ZFPM2: variants seen among roughly 807,000 people sequenced by gnomAD.
ZFPM2 encodes zinc finger protein ZFPM2.
Under a neutral mutation model 98.6 loss-of-function variants are expected in ZFPM2, and 20 were observed. The observed-to-expected ratio is 0.20, with a 90% CI of 0.14 to 0.29. The LOEUF is 0.29. Among genes scored for constraint, ZFPM2 ranks in the 10% least tolerant of loss-of-function variants. The pLI is 1.00. For missense variants in ZFPM2, 1,310 were observed against 1,388.6 expected, an observed-to-expected ratio of 0.94 and a Z score of 0.90; for synonymous variants, 518 against 502.7, an observed-to-expected ratio of 1.03 and a Z score of -0.41.
At chr8:105,575,677 A>AG (rs1345259256) in intron 4 of ZFPM2, among the ~76,000 whole-genome samples, 1 of 152,202 alleles carries the variant, frequency 6.6e-6, no homozygotes, top group Non-Finnish European at 1.5e-5. Context: ...AGACAGAAAA[A>AG]GAAAAAAAAT....
chr8:105,607,757 C>T (rs1303693777), intron 4 of ZFPM2, among the ~76,000 whole-genome samples: 7 of 152,134 alleles, frequency 4.6e-5, no homozygotes, highest in South Asian at 4.2e-4. Context: ...TAACCAGTTC[C>T]GCTACTTTAG....
At chr8:105,399,139 A>C (rs1464723906) in intron 1 of ZFPM2, among the ~76,000 whole-genome samples, 14 of 152,242 alleles carry the variant, frequency 9.2e-5, no homozygotes, top group Admixed American at 9.2e-4. Flanking sequence ...CCAACGGCCA[A>C]CTGGTTCTTT....
chr8:105,505,637 G>T (rs1868649), intron 3 of ZFPM2, among the ~76,000 whole-genome samples: 6 of 151,650 alleles, frequency 4.0e-5, no homozygotes, highest in South Asian at 2.1e-4. Flanking sequence ...ATATTACCTC[G>T]CTAAAAACCA....
chr8:105,611,343 A>G (rs967459009), intron 4 of ZFPM2, among the ~76,000 whole-genome samples: 1 of 152,230 alleles, frequency 6.6e-6, no homozygotes, highest in Non-Finnish European at 1.5e-5. Flanking sequence ...AATCAGTGGC[A>G]TAGCAATCAT....
rs143194616 is a variant in ZFPM2 at position 105,776,653 on chromosome 8, A to C, written c.533-12065A>C. Among the ~76,000 whole-genome samples the C allele has an allele frequency of 4.1e-4, 63 of 152,304 alleles. No homozygotes were observed. In the East Asian group the frequency reaches 0.012, roughly 28 times the overall value. On this transcript the variant is annotated intron_variant, in intron 5 of 7. Coordinates refer to ENST00000407775, the MANE Select transcript of ZFPM2 (RefSeq NM_012082.4). ...CTAACCAAGTAACTTTTGTGAGCCTAGTCAAGACAAAAATAGTCACATAAG... is the reference window on the plus strand; with the variant it reads ...CTAACCAAGTAACTTTTGTGAGCCTCGTCAAGACAAAAATAGTCACATAAG...
intron 1 of ZFPM2, among the ~76,000 whole-genome samples, chr8:105,401,370 T>C (rs1203110392): frequency 1.3e-5 from 2 of 152,138 alleles, no homozygotes; most frequent in Non-Finnish European, 2.9e-5. Context: ...AACATTCTGC[T>C]TGATGTTTAA....
intron 6 of ZFPM2, among the ~76,000 whole-genome samples, chr8:105,794,684 G>T (rs1040045812): frequency 6.6e-6 from 1 of 152,256 alleles, no homozygotes; most frequent in East Asian, 1.9e-4. Flanking sequence ...GCCCCCAGAG[G>T]TGGAGCCTAC....
At chr8:105,693,942 T>A (rs1810951024) in intron 5 of ZFPM2, among the ~76,000 whole-genome samples, 1 of 151,488 alleles carries the variant, frequency 6.6e-6, no homozygotes, top group Admixed American at 6.6e-5. Context: ...AAATATACAA[T>A]ATATTATCCA....
At chr8:105,671,913 T>G (rs1245236081) in intron 5 of ZFPM2, among the ~76,000 whole-genome samples, 1 of 152,188 alleles carries the variant, frequency 6.6e-6, no homozygotes, top group African/African-American at 2.4e-5. Flanking sequence ...CAATCAACTC[T>G]TAATTACTAT....
chr8:105,780,513 A>ATTGT (rs1813216638), intron 5 of ZFPM2: 2 of 152,218 alleles, frequency 1.3e-5, no homozygotes, highest in African/African-American at 4.8e-5. Context: ...TCGTTACATC[A>ATTGT]TTGTTTATCC....
intron 4 of ZFPM2, among the ~76,000 whole-genome samples, chr8:105,618,709 A>G (rs911903731): frequency 2.6e-5 from 4 of 152,134 alleles, no homozygotes; most frequent in African/African-American, 7.2e-5. Context: ...ATTATATTTT[A>G]TTTTGGAGAT....
At chr8:105,325,548 G>T (rs1812098987) in intron 1 of ZFPM2, among the ~76,000 whole-genome samples, 1 of 151,704 alleles carries the variant, frequency 6.6e-6, no homozygotes, top group Non-Finnish European at 1.5e-5. Context: ...ATAGAAAGTG[G>T]ACTCTCTGAT....
chr8:105,548,855 G>T (rs1188540641), intron 3 of ZFPM2, among the ~76,000 whole-genome samples: 1 of 152,220 alleles, frequency 6.6e-6, no homozygotes, highest in Admixed American at 6.5e-5. Context: ...GTCCACATTA[G>T]ATTCATTTTA....
chr8:105,623,753 T>G (rs16873444), intron 4 of ZFPM2, among the ~76,000 whole-genome samples: 3,141 of 152,246 alleles, frequency 0.021, 95 homozygotes, highest in African/African-American at 0.071. Flanking sequence ...CTGTATTTTT[T>G]TTTATAGTGG....
chr8:105,799,875 T>C (rs1471713582), intron 7 of ZFPM2, among the ~76,000 whole-genome samples: 1 of 152,178 alleles, frequency 6.6e-6, no homozygotes, highest in Non-Finnish European at 1.5e-5. Context: ...TTTAAGCTAC[T>C]GTTCTAACCT....
At chr8:105,727,954 T>TA (rs547786397) in intron 5 of ZFPM2, among the ~76,000 whole-genome samples, 1,799 of 137,220 alleles carry the variant, frequency 0.013, 11 homozygotes, top group Admixed American at 0.021. Flanking sequence ...ATAGTATGAT[T>TA]AAAAAAAAAA....
chr8:105,646,522 C>A (rs2130859799), intron 5 of ZFPM2, among the ~76,000 whole-genome samples: 1 of 152,152 alleles, frequency 6.6e-6, no homozygotes, highest in East Asian at 1.9e-4. Context: ...GAGGTCTGTT[C>A]AATCTGCTAG....
At chr8:105,343,753 G>A (rs1225073424) in intron 1 of ZFPM2, among the ~76,000 whole-genome samples, 1 of 152,078 alleles carries the variant, frequency 6.6e-6, no homozygotes, top group Non-Finnish European at 1.5e-5. Context: ...AGGAAGTAAT[G>A]GCAATTAGAA....
chr8:105,487,226 C>T (rs1813247396), intron 3 of ZFPM2, among the ~76,000 whole-genome samples: 1 of 152,180 alleles, frequency 6.6e-6, no homozygotes, highest in Non-Finnish European at 1.5e-5. Context: ...GATCCTCCCA[C>T]CGCAGCCTCC....
Sources: gnomAD v4.1 joint callset for allele counts (sites outside exome capture counted in the v4.1 genomes callset) on GRCh38, gnomAD v4.1.1 for gene constraint, MANE v1.5 for transcripts, NCBI Gene and HGNC (gene_info 2026-07-23, HGNC 2026-07-21) for gene names.